NKAIN3: variants seen among roughly 807,000 people sequenced by gnomAD.
NKAIN3 encodes the protein sodium/potassium-transporting ATPase subunit beta-1-interacting protein 3.
Under a neutral mutation model 30.2 loss-of-function variants are expected in NKAIN3, and 25 were observed. The ratio of observed to expected loss-of-function variants is 0.83; its 90% CI spans 0.60 to 1.16. The LOEUF (loss-of-function observed/expected upper bound fraction) is 1.16, where lower values mean the gene tolerates loss of function less well. Ranked by LOEUF, NKAIN3 falls within the 50% of genes most tolerant of loss-of-function variation. NKAIN3 has a pLI of 0.00. For missense variants in NKAIN3, 225 were observed against 254.1 expected (o/e 0.89, Z 0.78); for synonymous variants, 91 against 89.6 (o/e 1.02, Z -0.09).
chr8:62,479,163 A>T (rs948737485), intron 1 of NKAIN3, among the ~76,000 whole-genome samples: 1 of 152,210 alleles, frequency 6.6e-6, no homozygotes, highest in Admixed American at 6.5e-5. Flanking sequence ...GACTTTGAGG[A>T]TTCATTCCTG....
rs559024011 is a variant in NKAIN3 at position 62,503,265 on chromosome 8, C to T, written c.55-76274C>T. On this transcript the variant is annotated intron_variant, in intron 1 of 6. Transcript: ENST00000623646. Reference sequence around the variant, plus strand: ...GTAGGTCCGTGATGCCCACCTGAGCCGCAAAACCAGCAAGTTTTTATTAGG... The same window carrying T: ...GTAGGTCCGTGATGCCCACCTGAGCTGCAAAACCAGCAAGTTTTTATTAGG... 5.9e-5 allele frequency among the ~76,000 whole-genome samples: 9 copies of T among 152,238 alleles called. No homozygotes were observed. In the East Asian group the frequency reaches 7.7e-4, roughly 13 times the overall value.
rs188949535 is a variant in NKAIN3, at chr8:62,544,080, C to T, written c.55-35459C>T. 2.5e-3 allele frequency among the ~76,000 whole-genome samples: 380 copies of T among 152,222 alleles called. 2 individuals are homozygous for T. The highest frequency in any genetic ancestry group is 7.8e-3 in the African/African-American group (324 of 41,546). On this transcript the variant is annotated intron_variant, in intron 1 of 6. Coordinates refer to ENST00000623646, the MANE Select transcript of NKAIN3 (RefSeq NM_001304533.3). ...ACAGTGGTGCAATTATAGCTCACTG[C>T]GACCTCTGCCTCCGGGGCTCAAGAG...
At chr8:62,801,865 C>A (rs1028718379) in intron 4 of NKAIN3, among the ~76,000 whole-genome samples, 6 of 152,120 alleles carry the variant, frequency 3.9e-5, no homozygotes, top group Non-Finnish European at 7.4e-5. Context: ...AAGTTAAAAA[C>A]TTTGAAAAAA....
chr8:62,383,634 A>G, intron 1 of NKAIN3: 1 of 419,358 alleles, frequency 2.4e-6, no homozygotes, highest in South Asian at 1.7e-5. Flanking sequence ...TTCTAAAATT[A>G]TCAAACCATT....
intron 3 of NKAIN3, among the ~76,000 whole-genome samples, chr8:62,624,917 T>TTCTG (rs1366488005): frequency 1.3e-5 from 2 of 152,054 alleles, no homozygotes; most frequent in Non-Finnish European, 2.9e-5. Flanking sequence ...CATTTGTCAT[T>TTCTG]TCTGTTAGTC....
At chr8:62,762,108 G>A (rs1419690856) in intron 4 of NKAIN3, among the ~76,000 whole-genome samples, 1 of 152,080 alleles carries the variant, frequency 6.6e-6, no homozygotes, top group Non-Finnish European at 1.5e-5. Flanking sequence ...CTGAGGTCAG[G>A]AGTTCCAGAC....
At position 62,605,660 on chromosome 8, in the gene NKAIN3, T is replaced by A. The variant is rs1477145119; in HGVS notation, c.273+15866T>A. Among the ~76,000 whole-genome samples the A allele has an allele frequency of 2.0e-5, 3 of 152,072 alleles. No individual in the cohort carries two copies. The East Asian group carries it at 5.8e-4, about 29-fold the overall frequency. On this transcript the variant is annotated intron_variant, in intron 3 of 6. Coordinates refer to ENST00000623646, the MANE Select transcript of NKAIN3 (RefSeq NM_001304533.3). The stretch of plus-strand genomic sequence containing the variant: ...ATAATACCAAATTTAAAATGTAGCG[T>A]ATCTATTTACATAGTATTTACACTA...
intron 1 of NKAIN3, among the ~76,000 whole-genome samples, chr8:62,266,153 C>T (rs1445380967): frequency 1.3e-5 from 2 of 152,096 alleles, no homozygotes; most frequent in East Asian, 1.9e-4. Context: ...AGCAAGGAGC[C>T]CTGGACCCCT....
intron 1 of NKAIN3, among the ~76,000 whole-genome samples, chr8:62,480,410 T>C (rs1585854825): frequency 6.6e-6 from 1 of 151,994 alleles, no homozygotes; most frequent in African/African-American, 2.4e-5. Flanking sequence ...AATCATACTT[T>C]AATAAAGCTG....
At chr8:62,559,973 A>G (rs1239633360) in intron 1 of NKAIN3, among the ~76,000 whole-genome samples, 1 of 152,066 alleles carries the variant, frequency 6.6e-6, no homozygotes, top group Non-Finnish European at 1.5e-5. Flanking sequence ...GTCAAGAACA[A>G]GTTTTTCTTT....
intron 1 of NKAIN3, among the ~76,000 whole-genome samples, chr8:62,538,864 G>A (rs189603875): frequency 4.6e-5 from 7 of 152,234 alleles, no homozygotes; most frequent in Admixed American, 4.6e-4. Context: ...GTTCATTTAA[G>A]CAGGTAATGA....
intron 4 of NKAIN3, among the ~76,000 whole-genome samples, chr8:62,897,314 T>C (rs1821457955): frequency 6.6e-6 from 1 of 152,054 alleles, no homozygotes; most frequent in Non-Finnish European, 1.5e-5. Flanking sequence ...AGGACTTTCA[T>C]AGAATCAAAG....
At chr8:62,356,391 T>G (rs1029568712) in intron 1 of NKAIN3, among the ~76,000 whole-genome samples, 1 of 152,064 alleles carries the variant, frequency 6.6e-6, no homozygotes, top group Non-Finnish European at 1.5e-5. Context: ...AATATGAAAA[T>G]CTACAAACCA....
chr8:62,722,808 A>C (rs1815134084), intron 3 of NKAIN3, among the ~76,000 whole-genome samples: 1 of 152,272 alleles, frequency 6.6e-6, no homozygotes, highest in East Asian at 1.9e-4. Flanking sequence ...TCAGGCAACA[A>C]GAATGGGCTA....
chr8:62,775,021 G>A lies in NKAIN3; in HGVS notation c.471+27892G>A, dbSNP rs1281508149. On this transcript the variant is annotated intron_variant, in intron 4 of 6. Coordinates refer to ENST00000623646, the MANE Select transcript of NKAIN3 (RefSeq NM_001304533.3). ...ATGGTTGGTAAAATTCAGCAGTGAAGCTATCACGTCCCAAGCTTTTCTTTG... is the reference window on the plus strand; with the variant it reads ...ATGGTTGGTAAAATTCAGCAGTGAAACTATCACGTCCCAAGCTTTTCTTTG... 2.0e-5 allele frequency among the ~76,000 whole-genome samples: 3 copies of A among 152,124 alleles called. No homozygotes were observed. In the East Asian group the frequency reaches 5.8e-4, roughly 29 times the overall value.
At chr8:62,614,738 TCTC>T (rs1157311563) in intron 3 of NKAIN3, among the ~76,000 whole-genome samples, 1 of 152,080 alleles carries the variant, frequency 6.6e-6, no homozygotes, top group Non-Finnish European at 1.5e-5. Context: ...TTCCCACTCT[TCTC>T]TCCCCTTTCC....
At chr8:62,330,124 G>C (rs1385644948) in intron 1 of NKAIN3, among the ~76,000 whole-genome samples, 1 of 152,070 alleles carries the variant, frequency 6.6e-6, no homozygotes, top group African/African-American at 2.4e-5. Context: ...ATTCCAGATA[G>C]AAGAGAAAGG....
intron 4 of NKAIN3, among the ~76,000 whole-genome samples, chr8:62,843,330 AATTT>A (rs1819584892): frequency 6.6e-6 from 1 of 150,990 alleles, no homozygotes; most frequent in South Asian, 2.1e-4. Context: ...TTAATTAATT[AATTT>A]TTTATTTATT....
intron 4 of NKAIN3, among the ~76,000 whole-genome samples, chr8:62,836,876 G>A (rs1819383006): frequency 1.3e-5 from 2 of 152,114 alleles, no homozygotes; most frequent in South Asian, 2.1e-4. Context: ...GCAAATATCT[G>A]TATGAAGAGT....
Sources: gnomAD v4.1 joint callset for allele counts (sites outside exome capture counted in the v4.1 genomes callset) on GRCh38, gnomAD v4.1.1 for gene constraint, MANE v1.5 for transcripts, NCBI Gene and HGNC (gene_info 2026-07-23, HGNC 2026-07-21) for gene names.